The following ABL2 variants were observed in gnomAD, a reference collection of about 807,000 sequenced individuals.
The protein encoded by ABL2 is ABL proto-oncogene 2, non-receptor tyrosine kinase, also known as tyrosine-protein kinase ABL2.
ABL2 carries 49 observed loss-of-function variants against 107.7 expected under a neutral mutation model. The ratio of observed to expected loss-of-function variants is 0.45; its 90% CI spans 0.36 to 0.58. The LOEUF (loss-of-function observed/expected upper bound fraction) is 0.58. ABL2 is among the 20% of genes least tolerant of loss of function. The pLI is 0.00. For missense variants in ABL2, 1,245 were observed against 1,457.0 expected (o/e 0.85, Z 2.37); for synonymous variants, 549 against 548.6 (o/e 1.00, Z -0.01).
chr1:179,201,861 G>C (rs1441355016), intron 1 of ABL2: 1 of 1,333,614 alleles, frequency 7.5e-7, no homozygotes, highest in African/African-American at 1.5e-5. Flanking sequence ...GACTCTTTGA[G>C]ACATCAAGAC....
rs1653678109 is a variant in ABL2, at chr1:179,108,409, G to C, written c.2858C>G (p.Ser953Cys). Residue 953 changes from serine (S) to cysteine (C), a missense_variant, in exon 12 of 12, where the codon TCT (serine) becomes TGT (cysteine). This residue lies in a region of ABL2 where 761 missense variants were observed against 766.4 expected (regional missense o/e 0.99). Transcript: ENST00000502732. The part of the protein sequence containing the change: ...PADVQLIGTD[S>C]QGNKFKLLSE... ...TAAGAGCTTGAATTTATTCCCCTGA[G>C]AGTCTGTGCCAATGAGCTGCACGTC... 3 of 1,614,128 alleles carry C rather than the reference G, an allele frequency of 1.9e-6. No homozygotes were observed. The highest frequency in any genetic ancestry group is 2.7e-5 in the African/African-American group (2 of 74,954).
chr1:179,128,218 G>A (rs1655929113), intron 3 of ABL2, among the ~76,000 whole-genome samples: 1 of 151,740 alleles, frequency 6.6e-6, no homozygotes, highest in Non-Finnish European at 1.5e-5. Context: ...AAAAACACAA[G>A]AGTATATGTA....
intron 1 of ABL2, among the ~76,000 whole-genome samples, chr1:179,204,229 G>A (rs915176365): frequency 6.6e-6 from 1 of 151,664 alleles, no homozygotes; most frequent in African/African-American, 2.4e-5. Context: ...GTTTTGCCAT[G>A]TTGGCCAGGC....
intron 1 of ABL2, among the ~76,000 whole-genome samples, chr1:179,213,993 C>T (rs1192857032): frequency 1.3e-5 from 2 of 152,002 alleles, no homozygotes; most frequent in Non-Finnish European, 2.9e-5. Flanking sequence ...ATAAAAATAT[C>T]AGTACAAAGT....
chr1:179,139,095 CCCA>C (rs1572685812), intron 1 of ABL2, among the ~76,000 whole-genome samples: 2 of 152,204 alleles, frequency 1.3e-5, no homozygotes, highest in East Asian at 3.9e-4. Flanking sequence ...GGGCAGGCCA[CCCA>C]CCCAGCAGTG....
Position 179,108,431 on chromosome 1 carries a change from C to G in ABL2, c.2836G>C (p.Val946Leu), listed in dbSNP as rs28913889. 35 of 1,614,220 alleles carry G rather than the reference C, an allele frequency of 2.2e-5. No individual in the cohort carries two copies. The highest frequency in any genetic ancestry group is 1.6e-5 in the Non-Finnish European group (19 of 1,180,042). Reference protein sequence around the residue: ...SPTLKHTPADVQLIGTDSQGN... With the variant: ...SPTLKHTPADLQLIGTDSQGN... ...TGAGAGTCTGTGCCAATGAGCTGCA[C>G]GTCAGCTGGAGTGTGTTTCAGAGTG... is the stretch of plus-strand genomic sequence containing the variant. The change falls in exon 12 of 12, where the codon GTG becomes CTG. Residue 946 changes from valine to leucine, a missense_variant. Coordinates refer to ENST00000502732, the MANE Select transcript of ABL2 (RefSeq NM_007314.4).
intron 1 of ABL2, among the ~76,000 whole-genome samples, chr1:179,226,436 G>C (rs528564617): frequency 1.5e-4 from 22 of 151,090 alleles, no homozygotes; most frequent in African/African-American, 5.3e-4. Context: ...AGCCTCCTGA[G>C]TAGCTAGGAC....
At chr1:179,210,401 T>C (rs781444251) in intron 1 of ABL2, among the ~76,000 whole-genome samples, 8 of 146,896 alleles carry the variant, frequency 5.4e-5, no homozygotes, top group African/African-American at 7.6e-5. Context: ...AGCTACATGA[T>C]AGGCTGAGGC....
In ABL2 at chr1:179,161,018, G is replaced by C. The variant is rs148398216; in HGVS notation, c.158-27644C>G. On this transcript the variant is annotated intron_variant, in intron 1 of 11. Coordinates refer to ENST00000502732, the MANE Select transcript of ABL2 (RefSeq NM_007314.4). ...CAAAGTGCTGGGATTATAGGTGTGA[G>C]CCACCATGCCCAGCCTGCATTTCTA... Among the ~76,000 whole-genome samples, 330 of 152,240 alleles carry C rather than the reference G, an allele frequency of 2.2e-3. 2 individuals carry two copies. Among genetic ancestry groups the C allele is most frequent in the African/African-American group, 7.5e-3 (312 of 41,526 alleles).
At chr1:179,184,584 G>A in intron 1 of ABL2, 1 of 563,840 alleles carries the variant, frequency 1.8e-6, no homozygotes, top group Non-Finnish European at 3.2e-6. Context: ...AGGAGGAGGA[G>A]GAGGAGGAAG....
chr1:179,109,539 C>T, intron 11 of ABL2, 98 bp from the exon 12 acceptor site: 1 of 1,500,380 alleles, frequency 6.7e-7, no homozygotes, highest in African/African-American at 1.4e-5. Context: ...CAGCATTTAT[C>T]AAAGGTCAGG....
At chr1:179,174,899 A>C (rs1002647985) in intron 1 of ABL2, among the ~76,000 whole-genome samples, 8 of 91,826 alleles carry the variant, frequency 8.7e-5, no homozygotes, top group Non-Finnish European at 1.4e-4. Context: ...CTGTCTCAAA[A>C]AAAAAAAAAT....
chr1:179,229,632 A>C lies in ABL2; in HGVS notation c.-235T>G, dbSNP rs1288759224. 2.2e-4 allele frequency: 101 copies of C among 451,716 alleles called. No homozygotes were observed. The highest frequency in any genetic ancestry group is 5.8e-4 in the Middle Eastern group (1 of 1,714). The allele number at this position is 451,716 out of a possible 1,614,324, so 28.0% of individuals were successfully genotyped here. ...CTCCTGTCGCGGCTCCGCGCCCCCA[A>C]CGCCGCCGCCGCCGCCGCCGCCACC... On this transcript the variant is annotated 5_prime_UTR_variant, in exon 1 of 12. Coordinates refer to ENST00000502732, the MANE Select transcript of ABL2 (RefSeq NM_007314.4).
chr1:179,175,834 T>C (rs960975514), intron 1 of ABL2, among the ~76,000 whole-genome samples: 1 of 148,136 alleles, frequency 6.8e-6, no homozygotes, highest in African/African-American at 2.5e-5. Flanking sequence ...GCTAGACAAG[T>C]AGACACATTC....
At chr1:179,110,860 G>C in intron 10 of ABL2, 2 of 1,613,802 alleles carry the variant, frequency 1.2e-6, no homozygotes, top group East Asian at 2.2e-5. Flanking sequence ...TGGATCACAG[G>C]GTATACGTGT....
intron 1 of ABL2, among the ~76,000 whole-genome samples, chr1:179,162,817 C>T (rs1280444431): frequency 6.6e-6 from 1 of 152,110 alleles, no homozygotes; most frequent in Non-Finnish European, 1.5e-5. Context: ...TCACAATAAT[C>T]CTATCAAGTA....
chr1:179,120,353 A>G, intron 5 of ABL2, 79 bp from the exon 6 acceptor site: 2 of 804,160 alleles, frequency 2.5e-6, no homozygotes, highest in Non-Finnish European at 4.0e-6. Flanking sequence ...TCATCTCACA[A>G]TCATAAAGCT....
chr1:179,139,549 C>T (rs1335177607), intron 1 of ABL2, among the ~76,000 whole-genome samples: 4 of 152,222 alleles, frequency 2.6e-5, no homozygotes, highest in Admixed American at 6.5e-5. Context: ...TCACAAACAA[C>T]ATCCAATTCA....
chr1:179,111,881 T>TA (rs1372023096), intron 10 of ABL2, among the ~76,000 whole-genome samples: 3 of 151,938 alleles, frequency 2.0e-5, no homozygotes, highest in Non-Finnish European at 4.4e-5. Context: ...CCATCTCTAC[T>TA]AAAAATAACA....
Sources: allele counts gnomAD v4.1 joint callset (sites outside exome capture counted in the v4.1 genomes callset), GRCh38; gene constraint gnomAD v4.1.1; regional missense constraint gnomAD v4.1.1; transcripts MANE v1.5; gene names NCBI Gene and HGNC (gene_info 2026-07-23, HGNC 2026-07-21).